KANK1: variants seen among roughly 807,000 people sequenced by gnomAD.
KANK1 encodes KN motif and ankyrin repeat domains 1, also known as KN motif and ankyrin repeat domain-containing protein 1.
A neutral mutation model predicts 106.2 loss-of-function variants in KANK1; 109 were observed. The observed-to-expected ratio is 1.03, with a 90% CI of 0.88 to 1.20. KANK1 has a LOEUF of 1.20. Ranked by LOEUF, KANK1 falls within the 50% of genes most tolerant of loss-of-function variation. The pLI, the probability that KANK1 is intolerant of heterozygous loss-of-function variation, is 0.00. For synonymous variants in KANK1, 873 were observed against 652.2 expected (o/e 1.34, Z -5.16); for missense variants, 2,399 against 1,710.7 (o/e 1.40, Z -7.10).
chr9:706,565 T>C (rs1824220165), intron 2 of KANK1, among the ~76,000 whole-genome samples: 1 of 93,660 alleles, frequency 1.1e-5, no homozygotes, highest in Non-Finnish European at 2.6e-5. Flanking sequence ...TATCTGTATG[T>C]GGCTTTTTTT....
At chr9:686,836 T>G (rs1818699192) in intron 2 of KANK1, 1 of 985,150 alleles carries the variant, frequency 1.0e-6, no homozygotes, top group African/African-American at 1.7e-5. Flanking sequence ...GTTACTTGGG[T>G]GCTAGAAAAC....
intron 1 of KANK1, among the ~76,000 whole-genome samples, chr9:534,249 C>T (rs1224996225): frequency 1.3e-5 from 2 of 152,202 alleles, no homozygotes; most frequent in Non-Finnish European, 2.9e-5. Flanking sequence ...GTTCTTCCAG[C>T]TTGTGAATGT....
chr9:580,220 A>C (rs558925490), intron 1 of KANK1, among the ~76,000 whole-genome samples: 7 of 151,598 alleles, frequency 4.6e-5, no homozygotes, highest in Non-Finnish European at 1.0e-4. Context: ...TCCGGTCTGG[A>C]GTTGTTCATT....
Position 711,110 on chromosome 9 carries a change from C to T in KANK1, c.344C>T (p.Ser115Leu), listed in dbSNP as rs1461968456. 1.2e-6 allele frequency: 2 copies of T among 1,614,164 alleles called. No individual in the cohort carries two copies. The highest frequency in any genetic ancestry group is 1.7e-6 in the Non-Finnish European group (2 of 1,180,024). The stretch of plus-strand genomic sequence containing the variant: ...CTCATAGCCAGAAGTCAAGTTACAT[C>T]AACTCCAATCTCAAAGCCACCTCCC... ...NFLIARSQVT[S>L]TPISKPPPPL... Residue 115 changes from serine to leucine, a missense_variant, in exon 3 of 12, where the codon TCA becomes TTA. Ser to Leu is a moderately radical substitution (Grantham distance 145). Transcript: ENST00000382297.
intron 2 of KANK1, among the ~76,000 whole-genome samples, chr9:702,205 C>T (rs1822856795): frequency 7.2e-6 from 1 of 138,516 alleles, no homozygotes; most frequent in African/African-American, 2.8e-5. Context: ...ACTCTGTGAC[C>T]CTTGGTGTCT....
At chr9:608,034 ATTT>A (rs35949327) in intron 1 of KANK1, among the ~76,000 whole-genome samples, 2 of 115,354 alleles carry the variant, frequency 1.7e-5, no homozygotes, top group Non-Finnish European at 3.3e-5. Flanking sequence ...TATTATTATT[ATTT>A]TTTTTTTTTT....
rs138960689 is a variant in KANK1, at chr9:742,230, C to G, written c.3722C>G (p.Ala1241Gly). 1 of 1,614,152 alleles carries G rather than the reference C, an allele frequency of 6.2e-7. No homozygotes were observed. Among genetic ancestry groups the G allele is most frequent in the Admixed American group, 1.7e-5 (1 of 60,026 alleles). ...GCGGGACAGACGGCCCTCATGCTGG[C>G]GGTCAGTCACGGACGGATAGACATG... is the stretch of plus-strand genomic sequence containing the variant. The part of the protein sequence containing the change: ...SQAGQTALML[A>G]VSHGRIDMVK... Residue 1241 changes from alanine (A) to glycine (G), a missense_variant, in exon 10 of 12, where the codon GCG (alanine) becomes GGG (glycine). Ala to Gly is a moderately conservative substitution (Grantham distance 60, BLOSUM62 0). Transcript: ENST00000382297.
At chr9:592,501 C>A (rs931115948) in intron 1 of KANK1, among the ~76,000 whole-genome samples, 1 of 151,848 alleles carries the variant, frequency 6.6e-6, no homozygotes, top group Non-Finnish European at 1.5e-5. Flanking sequence ...TCCGCTCTTT[C>A]ACTGGATACC....
chr9:503,019 T>A (rs1406666223), upstream of KANK1, among the ~76,000 whole-genome samples: 5 of 146,242 alleles, frequency 3.4e-5, no homozygotes, highest in East Asian at 9.9e-4. Flanking sequence ...TTTTTTTTTT[T>A]TTTTTTTTTG....
chr9:562,277 C>T (rs914107486), intron 1 of KANK1, among the ~76,000 whole-genome samples: 2 of 151,686 alleles, frequency 1.3e-5, no homozygotes, highest in Non-Finnish European at 2.9e-5. Context: ...TGGTCTCGAT[C>T]TCCTGACCTC....
chr9:676,874 CTCTT>C lies in KANK1; in HGVS notation c.-83-14_-83-11del, dbSNP rs975490070. ...TTAAATGATCCATTTTGATGGGGCT[CTCTT>C]TATTGTTTCAGGTTGAATGCCTTTG... On this transcript the variant is annotated splice_polypyrimidine_tract_variant and intron_variant, in intron 1 of 11. Coordinates refer to ENST00000382297, the MANE Select transcript of KANK1 (RefSeq NM_015158.5). 128 of 876,768 alleles carry C rather than the reference CTCTT, an allele frequency of 1.5e-4. No homozygotes were observed. The highest frequency in any genetic ancestry group is 2.3e-4 in the Non-Finnish European group (121 of 532,858). 54.3% of individuals were successfully genotyped at this position (876,768 alleles called of 1,614,324 possible).
chr9:722,359 C>G lies in KANK1; in HGVS notation c.2699-7692C>G, dbSNP rs61245363. On this transcript the variant is annotated intron_variant, in intron 3 of 11. Coordinates refer to ENST00000382297, the MANE Select transcript of KANK1 (RefSeq NM_015158.5). ...TCTCTGTCTGTCTGCCTCTCTTGCT[C>G]TCTCTCTCTCATATCTGGACCCATC... is the stretch of plus-strand genomic sequence containing the variant. Among the ~76,000 whole-genome samples, 1,177 of 152,000 alleles carry G rather than the reference C, an allele frequency of 7.7e-3. 17 individuals are homozygous for G. The highest frequency in any genetic ancestry group is 0.026 in the African/African-American group (1,087 of 41,452).
At chr9:729,834 G>T (rs750651087) in intron 3 of KANK1, among the ~76,000 whole-genome samples, 6 of 152,178 alleles carry the variant, frequency 3.9e-5, no homozygotes, top group Non-Finnish European at 8.8e-5. Flanking sequence ...AGCCAAAACA[G>T]AGAAAAGAAG....
At chr9:723,805 A>G (rs773174830) in intron 3 of KANK1, among the ~76,000 whole-genome samples, 2 of 151,870 alleles carry the variant, frequency 1.3e-5, no homozygotes, top group Non-Finnish European at 2.9e-5. Flanking sequence ...TTTAGAGACT[A>G]TTGGAGATTG....
At chr9:613,319 C>G (rs1044232385) in intron 1 of KANK1, among the ~76,000 whole-genome samples, 4 of 151,000 alleles carry the variant, frequency 2.6e-5, no homozygotes, top group Admixed American at 1.3e-4. Flanking sequence ...GCAAGTACAG[C>G]TGTAACAATC....
intron 1 of KANK1, among the ~76,000 whole-genome samples, chr9:535,043 G>GCC (rs1297175672): frequency 6.6e-6 from 1 of 152,196 alleles, no homozygotes; most frequent in African/African-American, 2.4e-5. Flanking sequence ...CGTGGGATTG[G>GCC]CCACATCACT....
rs542647158 is a variant in KANK1, at chr9:673,200, C to CTTTT, written c.-83-3667_-83-3664dup. Among the ~76,000 whole-genome samples the CTTTT allele has an allele frequency of 1.2e-3, 114 of 97,836 alleles. 13 individuals carry two copies. The highest frequency in any genetic ancestry group is 2.5e-3 in the African/African-American group (71 of 28,358). The allele number at this position is 97,836 out of a possible 152,430, so 64.2% of individuals were successfully genotyped here. A position where few individuals can be genotyped will look rare whatever the true frequency, so the allele number is the denominator to read the frequency against. The stretch of plus-strand genomic sequence containing the variant: ...GATTCACACCCAGTGACAGTGTCTT[C>CTTTT]TTTTTTTTTTTTTTTTTTTTTTTTT... On this transcript the variant is annotated intron_variant, in intron 1 of 11. Transcript: ENST00000382297.
Position 526,574 on chromosome 9 carries a change from T to G in KANK1, c.-84+21820T>G, listed in dbSNP as rs192563600. Reference sequence around the variant, plus strand: ...CAAAAAAATAAAAATTACAAAAAATTATTTAAATGAAATTTAGCAATGTTT... The same window carrying G: ...CAAAAAAATAAAAATTACAAAAAATGATTTAAATGAAATTTAGCAATGTTT... On this transcript the variant is annotated intron_variant, in intron 1 of 11. Transcript: ENST00000382297. Among the ~76,000 whole-genome samples, 463 of 151,818 alleles carry G rather than the reference T, an allele frequency of 3.0e-3. 17 individuals are homozygous for G. Among genetic ancestry groups the G allele is most frequent in the African/African-American group, 0.011 (453 of 41,116 alleles).
rs1832101594 is a variant in KANK1 at position 731,045 on chromosome 9, A to C, written c.2897-113A>C. 6 of 508,428 alleles carry C rather than the reference A, an allele frequency of 1.2e-5. No homozygotes were observed. In the South Asian group the frequency reaches 1.8e-4, roughly 15 times the overall value. 31.5% of individuals were successfully genotyped at this position (508,428 alleles called of 1,614,324 possible). A position where few individuals can be genotyped will look rare whatever the true frequency, so the allele number is the denominator to read the frequency against. ...TGAATTTTGTGGAAACTTCTCACAT[A>C]TATATGCCAAGATCTACATTTACAT... On this transcript the variant is annotated intron_variant, in intron 4 of 11. Coordinates refer to ENST00000382297, the MANE Select transcript of KANK1 (RefSeq NM_015158.5).
Sources: gnomAD v4.1 joint callset for allele counts (sites outside exome capture counted in the v4.1 genomes callset) on GRCh38, gnomAD v4.1.1 for gene constraint, MANE v1.5 for transcripts, NCBI Gene and HGNC (gene_info 2026-07-23, HGNC 2026-07-21) for gene names.